Variants in PTPRQ observed in about 807,000 individuals in gnomAD.
PTPRQ encodes the protein protein tyrosine phosphatase receptor type Q.
A neutral mutation model predicts 246.0 loss-of-function variants in PTPRQ; 199 were observed. The observed-to-expected ratio is 0.81, with a 90% CI of 0.72 to 0.91. PTPRQ has a LOEUF of 0.91. PTPRQ is among the 40% of genes least tolerant of loss of function. The probability of loss-of-function intolerance (pLI) is 0.00; values close to 1 mark genes in which losing one functional copy is unlikely to be tolerated. For synonymous variants in PTPRQ, 869 were observed against 853.2 expected, an observed-to-expected ratio of 1.02 and a Z score of -0.32; for missense variants, 2,624 against 2,528.4, an observed-to-expected ratio of 1.04 and a Z score of -0.81.
chr12:80,618,164 C>A (rs1898836133), intron 30 of PTPRQ, among the ~76,000 whole-genome samples: 2 of 151,292 alleles, frequency 1.3e-5, no homozygotes, highest in East Asian at 1.9e-4. Flanking sequence ...AACTACAGAA[C>A]CGAGTCAAAA....
At chr12:80,640,504 A>G (rs1899817121) in intron 35 of PTPRQ, among the ~76,000 whole-genome samples, 1 of 152,198 alleles carries the variant, frequency 6.6e-6, no homozygotes, top group South Asian at 2.1e-4. Flanking sequence ...CTTAATGCTC[A>G]TATTCTTGTA....
intron 37 of PTPRQ, among the ~76,000 whole-genome samples, chr12:80,650,594 A>G (rs1024012734): frequency 4.6e-5 from 7 of 152,064 alleles, no homozygotes; most frequent in African/African-American, 1.7e-4. Context: ...CTTAGGGAAT[A>G]ATAACAAAAA....
intron 35 of PTPRQ, among the ~76,000 whole-genome samples, chr12:80,643,221 T>TAG (rs1899952491): frequency 6.6e-6 from 1 of 152,022 alleles, no homozygotes; most frequent in African/African-American, 2.4e-5. Flanking sequence ...GTAGATCCCC[T>TAG]GAGGTCAGGA....
At chr12:80,624,897 A>C (rs1391255229) in intron 33 of PTPRQ, among the ~76,000 whole-genome samples, 4 of 151,984 alleles carry the variant, frequency 2.6e-5, no homozygotes, top group African/African-American at 9.7e-5. Flanking sequence ...CCGATGAACC[A>C]AAAAAAATTG....
chr12:80,520,998 T>G (rs1439064226), intron 17 of PTPRQ, among the ~76,000 whole-genome samples: 1 of 151,908 alleles, frequency 6.6e-6, no homozygotes, highest in African/African-American at 2.4e-5. Context: ...GTGTTCCTAT[T>G]TCTCCACATC....
At position 80,588,375 on chromosome 12, in the gene PTPRQ, G is replaced by C; in HGVS notation, c.4532G>C (p.Arg1511Thr). ...VYGLKKFRWY[R>T]FQVAASTNAG... ...GGATTAAAGAAATTTAGATGGTATAGATTCCAAGTGGCTGCCAGCACCAAT... is the reference window on the plus strand; with the variant it reads ...GGATTAAAGAAATTTAGATGGTATACATTCCAAGTGGCTGCCAGCACCAAT... The change falls in exon 26 of 45, where the codon AGA becomes ACA. Residue 1511 changes from arginine (R) to threonine (T), a missense_variant. Coordinates refer to ENST00000644991, the MANE Select transcript of PTPRQ (RefSeq NM_001145026.2). 1 of 1,536,340 alleles carries C rather than the reference G, an allele frequency of 6.5e-7. No individual in the cohort carries two copies. The highest frequency in any genetic ancestry group is 8.8e-7 in the Non-Finnish European group (1 of 1,138,598).
intron 33 of PTPRQ, among the ~76,000 whole-genome samples, chr12:80,631,923 G>A (rs923821807): frequency 6.6e-6 from 1 of 152,148 alleles, no homozygotes; most frequent in Non-Finnish European, 1.5e-5. Context: ...TAAAAACTAA[G>A]TAGTCATCAT....
chr12:80,512,047 T>C (rs924933014), intron 17 of PTPRQ, among the ~76,000 whole-genome samples: 2 of 152,144 alleles, frequency 1.3e-5, no homozygotes, highest in Non-Finnish European at 2.9e-5. Context: ...GGCTTTGAGC[T>C]ACATTTGGGA....
chr12:80,569,842 C>T (rs2120950528), intron 25 of PTPRQ, among the ~76,000 whole-genome samples: 1 of 148,838 alleles, frequency 6.7e-6, no homozygotes, highest in South Asian at 2.1e-4. Flanking sequence ...ATTTGGTTTT[C>T]TGTTCCTGTG....
intron 35 of PTPRQ, among the ~76,000 whole-genome samples, chr12:80,643,420 A>C (rs1333710821): frequency 6.6e-6 from 1 of 151,174 alleles, no homozygotes; most frequent in Non-Finnish European, 1.5e-5. Context: ...CCTGGGCAAC[A>C]ATCGTGAAAT....
At chr12:80,575,839 C>CAAAAAAAAAAAA (rs201432092) in intron 25 of PTPRQ, among the ~76,000 whole-genome samples, 1 of 47,140 alleles carries the variant, frequency 2.1e-5, no homozygotes, top group Non-Finnish European at 4.8e-5. Context: ...AACCCCATCT[C>CAAAAAAAAAAAA]AAAAAAAAAA....
intron 24 of PTPRQ, 32 bp downstream of exon 24, chr12:80,546,729 CT>C (rs1437328688): frequency 6.5e-7 from 1 of 1,538,236 alleles, no homozygotes; most frequent in African/African-American, 1.4e-5. Flanking sequence ...TAAAATGTTT[CT>C]TTTTATATTT....
intron 35 of PTPRQ, among the ~76,000 whole-genome samples, chr12:80,641,198 T>C (rs113815014): frequency 6.6e-6 from 1 of 152,340 alleles, no homozygotes; most frequent in Non-Finnish European, 1.5e-5. Context: ...ATGCCATTTG[T>C]ATCCTGGCAC....
At chr12:80,616,792 A>C (rs2121120155) in intron 30 of PTPRQ, among the ~76,000 whole-genome samples, 1 of 151,286 alleles carries the variant, frequency 6.6e-6, no homozygotes, top group South Asian at 2.1e-4. Context: ...AATATAACTA[A>C]AATTTGGGTC....
At chr12:80,536,841 AT>A (rs1465512115) in intron 19 of PTPRQ, among the ~76,000 whole-genome samples, 2 of 152,204 alleles carry the variant, frequency 1.3e-5, no homozygotes, top group Non-Finnish European at 1.5e-5. Flanking sequence ...TCTTTTATGC[AT>A]TTAAAAAACA....
chr12:80,554,540 C>A (rs1592647767), intron 25 of PTPRQ, among the ~76,000 whole-genome samples: 1 of 152,178 alleles, frequency 6.6e-6, no homozygotes, highest in Non-Finnish European at 1.5e-5. Flanking sequence ...CCCTCAGATG[C>A]AAAAATTTAA....
chr12:80,583,980 A>C (rs1242406552), intron 25 of PTPRQ: 1 of 152,184 alleles, frequency 6.6e-6, no homozygotes, highest in Non-Finnish European at 1.5e-5. Flanking sequence ...TTGAGAGCCA[A>C]CAATAGAGAA....
chr12:80,563,226 G>A (rs923383266), intron 25 of PTPRQ, among the ~76,000 whole-genome samples: 2 of 152,058 alleles, frequency 1.3e-5, no homozygotes, highest in African/African-American at 4.8e-5. Context: ...CCAACATCAG[G>A]GCACCAGCAG....
intron 25 of PTPRQ, among the ~76,000 whole-genome samples, chr12:80,576,603 A>C (rs1013504298): frequency 6.6e-6 from 1 of 152,012 alleles, no homozygotes; most frequent in Non-Finnish European, 1.5e-5. Flanking sequence ...AGTACTTATT[A>C]AATATCAATG....
Sources: allele counts gnomAD v4.1 joint callset (sites outside exome capture counted in the v4.1 genomes callset), GRCh38; gene constraint gnomAD v4.1.1; transcripts MANE v1.5; gene names NCBI Gene and HGNC (gene_info 2026-07-23, HGNC 2026-07-21).